The following ATP2B1 variants were observed in gnomAD, a reference collection of about 807,000 sequenced individuals.
ATP2B1 encodes the protein ATPase plasma membrane Ca2+ transporting 1, also known as plasma membrane calcium-transporting ATPase 1.
Under a neutral mutation model 124.2 loss-of-function variants are expected in ATP2B1, and 14 were observed. The observed-to-expected ratio is 0.11, with a 90% CI of 0.07 to 0.18. The LOEUF (loss-of-function observed/expected upper bound fraction) is 0.18, where lower values mean the gene tolerates loss of function less well. Among genes scored for constraint, ATP2B1 ranks in the 10% least tolerant of loss-of-function variants. The pLI is 1.00. For synonymous variants in ATP2B1, 449 were observed against 492.4 expected, an observed-to-expected ratio of 0.91 and a Z score of 1.17; for missense variants, 763 against 1,466.1, an observed-to-expected ratio of 0.52 and a Z score of 7.83.
At chr12:89,625,602 A>G (rs1186464130) in intron 8 of ATP2B1, among the ~76,000 whole-genome samples, 1 of 150,046 alleles carries the variant, frequency 6.7e-6, no homozygotes, top group Non-Finnish European at 1.5e-5. Context: ...AAAAAAAAAA[A>G]AAGAAAAGAA....
intron 1 of ATP2B1, among the ~76,000 whole-genome samples, chr12:89,677,499 A>G (rs567710144): frequency 6.6e-6 from 1 of 152,266 alleles, no homozygotes; most frequent in Non-Finnish European, 1.5e-5. Context: ...GCTTATAATG[A>G]AACTTATGAT....
Position 89,609,923 on chromosome 12 carries a change from G to A in ATP2B1, c.2442+14C>T. The A allele has an allele frequency of 1.2e-6, 2 of 1,603,532 alleles. No individual in the cohort carries two copies. Among genetic ancestry groups the A allele is most frequent in the Admixed American group, 1.7e-5 (1 of 59,486 alleles). ...GTAAATTACGTTTGGATATTTGAAT[G>A]AGTAAATTCTTACCATTGCAAATCC... On this transcript the variant is annotated intron_variant, in intron 15 of 20. Transcript: ENST00000428670.
chr12:89,664,573 T>A (rs1056199249), intron 1 of ATP2B1, among the ~76,000 whole-genome samples: 19 of 152,220 alleles, frequency 1.2e-4, no homozygotes, highest in Non-Finnish European at 2.6e-4. Context: ...ACACTACAGA[T>A]TAGTGGTTCT....
chr12:89,694,244 T>C (rs970074485), intron 1 of ATP2B1, among the ~76,000 whole-genome samples: 9 of 152,200 alleles, frequency 5.9e-5, no homozygotes, highest in African/African-American at 1.9e-4. Context: ...TTCAACTACA[T>C]AATCTGTCCT....
Position 89,621,643 on chromosome 12 carries a change from T to A in ATP2B1, c.1493A>T (p.Lys498Ile). The A allele has an allele frequency of 6.2e-7, 1 of 1,612,016 alleles. No homozygotes were observed. Among genetic ancestry groups the A allele is most frequent in the South Asian group, 1.1e-5 (1 of 90,788 alleles). The change falls in exon 10 of 21, where the codon AAA becomes ATA. Residue 498 changes from lysine to isoleucine, a missense_variant. By Grantham distance (102) the Lys-to-Ile change is moderately radical. Around this residue, in one of 7 missense-constraint regions of ATP2B1, gnomAD observed 392 missense variants for 776.6 expected, o/e 0.50. Transcript: ENST00000428670. ...AATAGCTTCTGGTTCAGGAACCTTT[T>A]TATAATGTTTTTCATTTATGTAAGC... Reference protein sequence around the residue: ...VQAYINEKHYKKVPEPEAIPP... With the variant: ...VQAYINEKHYIKVPEPEAIPP...
At chr12:89,670,915 A>G (rs1234758872) in intron 1 of ATP2B1, among the ~76,000 whole-genome samples, 2 of 147,786 alleles carry the variant, frequency 1.4e-5, no homozygotes, top group Non-Finnish European at 3.0e-5. Context: ...GAACCTGATC[A>G]CAGGGAAAGA....
chr12:89,663,896 T>A (rs981768898), intron 1 of ATP2B1, among the ~76,000 whole-genome samples: 1 of 152,208 alleles, frequency 6.6e-6, no homozygotes, highest in Non-Finnish European at 1.5e-5. Flanking sequence ...GTCCTTTTTT[T>A]CGAAGAAGTC....
chr12:89,696,469 T>C (rs1018470086), intron 1 of ATP2B1, among the ~76,000 whole-genome samples: 2 of 150,706 alleles, frequency 1.3e-5, no homozygotes, highest in Admixed American at 1.3e-4. Flanking sequence ...ATTATTAAAA[T>C]GTTGTTAATG....
intron 3 of ATP2B1, among the ~76,000 whole-genome samples, chr12:89,638,613 T>A (rs1344457468): frequency 6.6e-6 from 1 of 152,226 alleles, no homozygotes; most frequent in African/African-American, 2.4e-5. Context: ...TTATTTCATT[T>A]AAAAATTCAT....
At chr12:89,667,365 C>T (rs1204432577) in intron 1 of ATP2B1, among the ~76,000 whole-genome samples, 1 of 152,178 alleles carries the variant, frequency 6.6e-6, no homozygotes, top group African/African-American at 2.4e-5. Context: ...CTCACATTTA[C>T]CCCCTTTTAA....
chr12:89,670,470 G>A (rs1361845897), intron 1 of ATP2B1, among the ~76,000 whole-genome samples: 1 of 150,592 alleles, frequency 6.6e-6, no homozygotes, highest in African/African-American at 2.4e-5. Flanking sequence ...GTGAGTACAT[G>A]TGCAGGCTTA....
intron 1 of ATP2B1, among the ~76,000 whole-genome samples, chr12:89,659,624 G>A (rs965653860): frequency 2.6e-5 from 4 of 152,088 alleles, no homozygotes; most frequent in African/African-American, 7.2e-5. Flanking sequence ...AACGTTGTGT[G>A]AAAGTTAACC....
At chr12:89,646,704 G>GA (rs2136283426) in intron 2 of ATP2B1, among the ~76,000 whole-genome samples, 1 of 152,332 alleles carries the variant, frequency 6.6e-6, no homozygotes, top group African/African-American at 2.4e-5. Flanking sequence ...AGTCTGATTA[G>GA]AAAAGAGCTG....
chr12:89,686,316 T>C (rs1351632113), intron 1 of ATP2B1, among the ~76,000 whole-genome samples: 1 of 152,078 alleles, frequency 6.6e-6, no homozygotes, highest in Non-Finnish European at 1.5e-5. Flanking sequence ...AGTTCCAATA[T>C]CTACAATCCA....
At chr12:89,599,002 A>T in intron 20 of ATP2B1, 115 bp downstream of exon 20, 1 of 1,251,764 alleles carries the variant, frequency 8.0e-7, no homozygotes, top group East Asian at 2.3e-5. Flanking sequence ...AAGAGAATAC[A>T]ATTTGTGGGT....
intron 3 of ATP2B1, among the ~76,000 whole-genome samples, chr12:89,638,414 G>A (rs982187338): frequency 1.3e-5 from 2 of 152,166 alleles, no homozygotes; most frequent in African/African-American, 4.8e-5. Context: ...CGTGAAACCT[G>A]AGAGGGATTC....
chr12:89,624,516 T>A, intron 8 of ATP2B1, 119 bp from the exon 9 acceptor site: 6 of 862,478 alleles, frequency 7.0e-6, no homozygotes, highest in East Asian at 2.7e-5. Flanking sequence ...TGAATTTCTC[T>A]GAGAAATTAC....
In ATP2B1 at chr12:89,662,171, T is replaced by A. The variant is rs889027791; in HGVS notation, c.-221-6064A>T. On this transcript the variant is annotated intron_variant, in intron 1 of 20. Coordinates refer to ENST00000428670, the MANE Select transcript of ATP2B1 (RefSeq NM_001366521.1). ...TTTTTTTAACACGAGACTGGAGTTTTATTATTACTCAGTCTTCCAAAAAGA... is the reference window on the plus strand; with the variant it reads ...TTTTTTTAACACGAGACTGGAGTTTAATTATTACTCAGTCTTCCAAAAAGA... 5.9e-5 allele frequency among the ~76,000 whole-genome samples: 9 copies of A among 152,026 alleles called. No homozygotes were observed. The East Asian group carries it at 1.7e-3, about 29-fold the overall frequency.
chr12:89,610,118 T>C, intron 14 of ATP2B1, 75 bp from the exon 15 acceptor site: 9 of 1,354,174 alleles, frequency 6.6e-6, no homozygotes, highest in Non-Finnish European at 8.2e-6. Flanking sequence ...TATCCTGACG[T>C]CGGTTTTATA....
Sources: allele counts gnomAD v4.1 joint callset (sites outside exome capture counted in the v4.1 genomes callset), GRCh38; gene constraint gnomAD v4.1.1; regional missense constraint gnomAD v4.1.1; transcripts MANE v1.5; gene names NCBI Gene and HGNC (gene_info 2026-07-23, HGNC 2026-07-21).